Variants in TBKBP1 observed in about 807,000 individuals in gnomAD.
TBKBP1 encodes TBK1 binding protein 1, also known as TANK-binding kinase 1-binding protein 1.
In TBKBP1, 47 loss-of-function variants were observed where a neutral mutation model predicts 69.9. That is an observed-to-expected ratio of 0.67 (90% confidence interval 0.53 to 0.86). The LOEUF (loss-of-function observed/expected upper bound fraction) is 0.86, where lower values mean the gene tolerates loss of function less well. Ranked by LOEUF, TBKBP1 falls within the 40% of genes least tolerant of loss-of-function variation. The pLI is 0.00. For missense variants in TBKBP1, 831 were observed against 858.6 expected (o/e 0.97, Z 0.40); for synonymous variants, 418 against 390.3 (o/e 1.07, Z -0.84).
chr17:47,708,927 C>G lies in TBKBP1; in HGVS notation c.1194C>G (p.Arg398=). 1 of 1,295,600 alleles carries G rather than the reference C, an allele frequency of 7.7e-7. No individual in the cohort carries two copies. Among genetic ancestry groups the G allele is most frequent in the Non-Finnish European group, 9.8e-7 (1 of 1,016,524 alleles). The allele number at this position is 1,295,600 out of a possible 1,614,324, so 80.3% of individuals were successfully genotyped here. ...SPSCPSPVPQ[R]RSPVPPSCQS... is the part of the protein sequence containing the mutation. ...CCTGCCCGTCGCCCGTCCCGCAGCG[C>G]CGCTCGCCGGTGCCGCCGTCGTGCC... Residue 398 remains arginine (R), a synonymous_variant, in exon 9 of 10, where the codon CGC becomes CGG. Transcript: ENST00000578982. This position sits in a 1 kb window ranked among gnomAD's most constrained non-coding sequence, Gnocchi z 4.4.
intron 7 of TBKBP1, among the ~76,000 whole-genome samples, chr17:47,701,285 A>G (rs768150912): frequency 2.6e-5 from 4 of 152,124 alleles, no homozygotes; most frequent in Middle Eastern, 3.4e-3. Context: ...GGTCCACCCT[A>G]GCTTGTGGCT....
intron 7 of TBKBP1, among the ~76,000 whole-genome samples, chr17:47,704,879 A>G (rs1567908047): frequency 6.6e-6 from 1 of 152,232 alleles, no homozygotes; most frequent in Non-Finnish European, 1.5e-5. Context: ...TTTGCAGCCC[A>G]GGGGGCCCTC....
chr17:47,708,092 C>T lies in TBKBP1; in HGVS notation c.873-302C>T, dbSNP rs1238895562. On this transcript the variant is annotated intron_variant, in intron 7 of 9. Transcript: ENST00000578982. This position sits in a 1 kb window ranked among gnomAD's most constrained non-coding sequence, Gnocchi z 4.4. ...GCTGTGTTCAGACCACGGACAGTGCCTGATGCAGGGATTCAGGGAGCCCTT... is the reference window on the plus strand; with the variant it reads ...GCTGTGTTCAGACCACGGACAGTGCTTGATGCAGGGATTCAGGGAGCCCTT... Among the ~76,000 whole-genome samples the T allele has an allele frequency of 1.3e-5, 2 of 152,238 alleles. No homozygotes were observed. The highest frequency in any genetic ancestry group is 2.9e-5 in the Non-Finnish European group (2 of 68,042).
chr17:47,694,888 A>AGGGGG (rs56069116), intron 1 of TBKBP1, among the ~76,000 whole-genome samples: 2 of 127,702 alleles, frequency 1.6e-5, no homozygotes, highest in Non-Finnish European at 3.3e-5. Flanking sequence ...TGGGTGGCGG[A>AGGGGG]GGGGGGGGGG....
In TBKBP1 at chr17:47,709,041, G is replaced by A. The variant is rs868160170; in HGVS notation, c.1308G>A (p.Glu436=). The A allele has an allele frequency of 1.5e-4, 193 of 1,281,470 alleles. 1 individual carries two copies. In the African/African-American group the frequency reaches 2.8e-3, roughly 19 times the overall value. The allele number at this position is 1,281,470 out of a possible 1,614,324, so 79.4% of individuals were successfully genotyped here. The change falls in exon 9 of 10, where the codon GAG becomes GAA. Residue 436 remains glutamate (E), a synonymous_variant. Transcript: ENST00000578982. ...CACCGCCGCCGCCCCCGCCGGGCGA[G>A]AGGACGCTGGCCGAGCGCGCCTACG... The part of the protein sequence containing the change: ...PRPPPPPPPG[E]RTLAERAYAK...
intron 1 of TBKBP1, chr17:47,694,694 G>C (rs2143232399): frequency 6.6e-6 from 1 of 152,324 alleles, no homozygotes; most frequent in South Asian, 2.1e-4. Flanking sequence ...CCCCGCCAGC[G>C]GGGTGGGCGC....
chr17:47,697,107 C>G lies in TBKBP1; in HGVS notation c.367C>G (p.Gln123Glu). ...CATCCAGTTACAGAAGAACAAGGAG[C>G]AGGAAGAACAGCTTGGAGAGATGAT... Reference protein sequence around the residue: ...FQHELQKNKEQEEQLGEMIQA... With the variant: ...FQHELQKNKEEEEQLGEMIQA... Residue 123 changes from glutamine to glutamate, a missense_variant, in exon 4 of 10, where the codon CAG (glutamine) becomes GAG (glutamate). Gln to Glu is a conservative substitution (Grantham distance 29). Transcript: ENST00000578982. 6.2e-7 allele frequency: 1 copy of G among 1,612,074 alleles called. No homozygotes were observed. Among genetic ancestry groups the G allele is most frequent in the South Asian group, 1.1e-5 (1 of 90,608 alleles).
chr17:47,696,470 G>C lies in TBKBP1; in HGVS notation c.225+133G>C, dbSNP rs558134377. The C allele has an allele frequency of 3.4e-6, 4 of 1,183,414 alleles. No individual in the cohort carries two copies. In the African/African-American group the frequency reaches 6.1e-5, roughly 18 times the overall value. 73.3% of individuals were successfully genotyped at this position (1,183,414 alleles called of 1,614,324 possible). On this transcript the variant is annotated intron_variant, in intron 2 of 9. Transcript: ENST00000578982. ...TTGGGAACTTGAGGGTCTCCCATGAGAGACGTGGCTGTTCCGGATGCGAAC... is the reference window on the plus strand; with the variant it reads ...TTGGGAACTTGAGGGTCTCCCATGACAGACGTGGCTGTTCCGGATGCGAAC...
intron 7 of TBKBP1, 100 bp downstream of exon 7, chr17:47,699,797 C>T: frequency 7.5e-7 from 1 of 1,331,404 alleles, no homozygotes; most frequent in South Asian, 1.2e-5. Context: ...GCTCTGTGTG[C>T]ATCCTTCATA....
chr17:47,701,379 T>TCA (rs1567906490), intron 7 of TBKBP1, among the ~76,000 whole-genome samples: 1 of 140,174 alleles, frequency 7.1e-6, no homozygotes, highest in South Asian at 2.3e-4. Context: ...ACACACACAC[T>TCA]CTCTCTCTCT....
chr17:47,696,637 G>A (rs2143253392), intron 2 of TBKBP1, 74 bp from the exon 3 acceptor site: 8 of 1,605,632 alleles, frequency 5.0e-6, no homozygotes, highest in Non-Finnish European at 5.9e-6. Context: ...GTTGTGGGTT[G>A]GGGGCACAGC....
chr17:47,697,960 A>AT (rs1418894508), intron 4 of TBKBP1, among the ~76,000 whole-genome samples: 1 of 150,492 alleles, frequency 6.6e-6, no homozygotes, highest in African/African-American at 2.5e-5. Flanking sequence ...AAAAAAAAAA[A>AT]AAAAAAAAAA....
Position 47,708,269 on chromosome 17 carries a change from G to C in TBKBP1, c.873-125G>C. ...GGGAGGATTTCTGCAATTGGGGTAG[G>C]AGGGCCCTGCGGGTGGGAGGGAGCA... On this transcript the variant is annotated intron_variant, in intron 7 of 9. Coordinates refer to ENST00000578982, the MANE Select transcript of TBKBP1 (RefSeq NM_001394755.1). The surrounding 1 kb of genome is among the most constrained non-coding windows in gnomAD (Gnocchi z 4.4). The C allele has an allele frequency of 1.0e-6, 1 of 955,214 alleles. No individual in the cohort carries two copies. Among genetic ancestry groups the C allele is most frequent in the Non-Finnish European group, 1.6e-6 (1 of 629,700 alleles). The allele number at this position is 955,214 out of a possible 1,614,324, so 59.2% of individuals were successfully genotyped here. A position where few individuals can be genotyped will look rare whatever the true frequency, so the allele number is the denominator to read the frequency against.
rs1019500311 is a variant in TBKBP1, at chr17:47,709,289, A to C, written c.1556A>C (p.Gln519Pro). The C allele has an allele frequency of 6.6e-7, 1 of 1,525,486 alleles. No homozygotes were observed. The highest frequency in any genetic ancestry group is 8.7e-7 in the Non-Finnish European group (1 of 1,144,596). The allele number at this position is 1,525,486 out of a possible 1,614,324, so 94.5% of individuals were successfully genotyped here. ...GGCATCCGGCTGCGCTTCGAGAAGC[A>C]GCCGTCGGAGGAGGACGAGTGGGCT... ...FEGIRLRFEK[Q>P]PSEEDEWAVP... is the part of the protein sequence containing the mutation. The change falls in exon 9 of 10, where the codon CAG becomes CCG. Residue 519 changes from glutamine (Q) to proline (P), a missense_variant. Gln to Pro is a moderately conservative substitution (Grantham distance 76, BLOSUM62 -1). Coordinates refer to ENST00000578982, the MANE Select transcript of TBKBP1 (RefSeq NM_001394755.1).
intron 7 of TBKBP1, among the ~76,000 whole-genome samples, chr17:47,700,615 G>A (rs1039388741): frequency 2.0e-5 from 3 of 152,066 alleles, no homozygotes; most frequent in Non-Finnish European, 4.4e-5. Context: ...AGAGGGAGGT[G>A]GTGTTTCTTG....
At chr17:47,698,504 T>G in intron 4 of TBKBP1, 91 bp from the exon 5 acceptor site, 1 of 1,338,608 alleles carries the variant, frequency 7.5e-7, no homozygotes, top group Non-Finnish European at 1.0e-6. Context: ...ATGTGTGACC[T>G]GGGGCCTCTG....
At position 47,708,769 on chromosome 17, in the gene TBKBP1, CAGTGCCCCTCCCCCT is replaced by C; in HGVS notation, c.1037_1051del (p.Gln346_Ser351delinsPro). On this transcript the variant is annotated inframe_deletion, in exon 9 of 10. Coordinates refer to ENST00000578982, the MANE Select transcript of TBKBP1 (RefSeq NM_001394755.1). This position sits in a 1 kb window ranked among gnomAD's most constrained non-coding sequence, Gnocchi z 4.4. ...GTCACAACGCCACTCCCCGGCCCCC[CAGTGCCCCTCCCCCT>C]CCCCGCCTGCCCGAGCGGCTCCCCC... is the stretch of plus-strand genomic sequence containing the variant. The C allele has an allele frequency of 2.7e-5, 30 of 1,107,076 alleles. No homozygotes were observed. The highest frequency in any genetic ancestry group is 3.7e-5 in the Non-Finnish European group (29 of 781,798). The allele number at this position is 1,107,076 out of a possible 1,614,324, so 68.6% of individuals were successfully genotyped here. A position where few individuals can be genotyped will look rare whatever the true frequency, so the allele number is the denominator to read the frequency against.
chr17:47,705,763 G>T (rs1406709120), intron 7 of TBKBP1, among the ~76,000 whole-genome samples: 1 of 152,254 alleles, frequency 6.6e-6, no homozygotes, highest in Non-Finnish European at 1.5e-5. Context: ...TCTTGAGATG[G>T]AGAGAGACAC....
Position 47,698,693 on chromosome 17 carries a change from C to T in TBKBP1, c.552C>T (p.Ser184=), listed in dbSNP as rs1416833240. 6.2e-7 allele frequency: 1 copy of T among 1,606,248 alleles called. No individual in the cohort carries two copies. The highest frequency in any genetic ancestry group is 8.5e-7 in the Non-Finnish European group (1 of 1,176,588). The change falls in exon 5 of 10, where the codon AGC becomes AGT. Residue 184 remains serine (S), a synonymous_variant. Coordinates refer to ENST00000578982, the MANE Select transcript of TBKBP1 (RefSeq NM_001394755.1). ...GLQDAAFSNL[S]PPPAPAPPCT... The stretch of plus-strand genomic sequence containing the variant: ...AGGATGCAGCCTTCTCCAACCTGAG[C>T]CCACCGCCAGCCCCCGCCCCTCCCT...
Sources: allele counts gnomAD v4.1 joint callset (sites outside exome capture counted in the v4.1 genomes callset), GRCh38; gene constraint gnomAD v4.1.1; non-coding constraint Gnocchi (gnomAD v3.1); transcripts MANE v1.5; gene names NCBI Gene and HGNC (gene_info 2026-07-23, HGNC 2026-07-21).